Variants in QRFPR observed in about 807,000 individuals in gnomAD.
The protein encoded by QRFPR is pyroglutamylated RFamide peptide receptor, also known as pyroglutamylated RF-amide peptide receptor.
Under a neutral mutation model 31.3 loss-of-function variants are expected in QRFPR, and 37 were observed. The observed-to-expected ratio is 1.18, with a 90% confidence interval of 0.91 to 1.56. QRFPR has a LOEUF of 1.56. Ranked by LOEUF, QRFPR falls within the 40% of genes most tolerant of loss-of-function variation. QRFPR has a pLI of 0.00. For synonymous variants in QRFPR, 197 were observed against 192.0 expected, an observed-to-expected ratio of 1.03 and a Z score of -0.22; for missense variants, 542 against 532.5, an observed-to-expected ratio of 1.02 and a Z score of -0.18.
chr4:121,380,209 G>GAGAGAGAGAGAT, intron 1 of QRFPR, 99 bp downstream of exon 1: 1 of 452,476 alleles, frequency 2.2e-6, no homozygotes. Flanking sequence ...GAGAGAGAGA[G>GAGAGAGAGAGAT]AGAGAGAGAG....
rs1262418056 is a variant in QRFPR at position 121,329,038 on chromosome 4, G to T, written c.*276C>A. ...CAAAGTGCTGGGATTACAGGCATGA[G>T]CCACCGTGCCTGGCCTTCCATGTTG... On this transcript the variant is annotated 3_prime_UTR_variant, in exon 6 of 6. Transcript: ENST00000394427. 1.1e-5 allele frequency: 3 copies of T among 262,004 alleles called. No individual in the cohort carries two copies. The highest frequency in any genetic ancestry group is 2.1e-5 in the Non-Finnish European group (3 of 140,308). The allele number at this position is 262,004 out of a possible 1,614,324, so 16.2% of individuals were successfully genotyped here.
At chr4:121,369,358 G>A (rs1270603162) in intron 1 of QRFPR, 3 of 654,026 alleles carry the variant, frequency 4.6e-6, no homozygotes, top group Non-Finnish European at 2.7e-6. Flanking sequence ...CCTTTCCTAT[G>A]TCAAAGCCAA....
At chr4:121,339,251 G>T (rs1211360143) in intron 2 of QRFPR, among the ~76,000 whole-genome samples, 1 of 152,174 alleles carries the variant, frequency 6.6e-6, no homozygotes, top group African/African-American at 2.4e-5. Flanking sequence ...CACATTAGTT[G>T]CTTGCTACAC....
rs2110464724 is a variant in QRFPR at position 121,329,048 on chromosome 4, C to T, written c.*266G>A. On this transcript the variant is annotated 3_prime_UTR_variant, in exon 6 of 6. Transcript: ENST00000394427. ...GGATTACAGGCATGAGCCACCGTGC[C>T]TGGCCTTCCATGTTGCTTTTTTAAG... 1 of 303,432 alleles carries T rather than the reference C, an allele frequency of 3.3e-6. No homozygotes were observed. Among genetic ancestry groups the T allele is most frequent in the Non-Finnish European group, 6.0e-6 (1 of 166,520 alleles). The allele number at this position is 303,432 out of a possible 1,614,324, so 18.8% of individuals were successfully genotyped here.
chr4:121,344,537 G>A (rs534703818), intron 1 of QRFPR, among the ~76,000 whole-genome samples: 2 of 152,118 alleles, frequency 1.3e-5, no homozygotes, highest in Non-Finnish European at 2.9e-5. Context: ...TTTCTTCAAT[G>A]TTCTGTCATG....
chr4:121,366,157 C>T (rs189450026), intron 1 of QRFPR, among the ~76,000 whole-genome samples: 25 of 149,662 alleles, frequency 1.7e-4, no homozygotes, highest in Admixed American at 1.3e-4. Flanking sequence ...AATTCTTCCC[C>T]GTCAGTATAA....
chr4:121,347,363 G>A (rs570602350), intron 1 of QRFPR, among the ~76,000 whole-genome samples: 2 of 151,774 alleles, frequency 1.3e-5, no homozygotes, highest in Non-Finnish European at 2.9e-5. Flanking sequence ...GCCTTATACC[G>A]CTTTTCTTTT....
At position 121,380,655 on chromosome 4, in the gene QRFPR, C is replaced by A; in HGVS notation, c.-8G>T. The A allele has an allele frequency of 6.6e-7, 1 of 1,508,770 alleles. No homozygotes were observed. Among genetic ancestry groups the A allele is most frequent in the South Asian group, 1.3e-5 (1 of 76,192 alleles). 93.5% of individuals were successfully genotyped at this position (1,508,770 alleles called of 1,614,324 possible). ...AATGTTAAGCGCCTGCATTGCTGTGCGCTCCCGGGACGCGGGGCCACCGCC... is the reference window on the plus strand; with the variant it reads ...AATGTTAAGCGCCTGCATTGCTGTGAGCTCCCGGGACGCGGGGCCACCGCC... On this transcript the variant is annotated 5_prime_UTR_variant, in exon 1 of 6. Coordinates refer to ENST00000394427, the MANE Select transcript of QRFPR (RefSeq NM_198179.3).
At position 121,329,219 on chromosome 4, in the gene QRFPR, T is replaced by C; in HGVS notation, c.*95A>G. ...ATGATTTGTTTTCTTCTTGTCATCA[T>C]CTTAAGAATAAAAAGAGTATTTGAC... On this transcript the variant is annotated 3_prime_UTR_variant, in exon 6 of 6. Coordinates refer to ENST00000394427, the MANE Select transcript of QRFPR (RefSeq NM_198179.3). 1 of 976,642 alleles carries C rather than the reference T, an allele frequency of 1.0e-6. No individual in the cohort carries two copies. The allele number at this position is 976,642 out of a possible 1,614,324, so 60.5% of individuals were successfully genotyped here.
intron 1 of QRFPR, among the ~76,000 whole-genome samples, chr4:121,375,903 G>A (rs147924754): frequency 1.3e-5 from 2 of 152,170 alleles, no homozygotes; most frequent in African/African-American, 4.8e-5. Context: ...AATCAGTTCT[G>A]TATTTAGCTG....
chr4:121,367,250 G>C (rs1321122427), intron 1 of QRFPR, among the ~76,000 whole-genome samples: 2 of 150,014 alleles, frequency 1.3e-5, no homozygotes, highest in East Asian at 4.0e-4. Flanking sequence ...TGTGCCCACA[G>C]TCTGGGTGGC....
At chr4:121,340,132 A>T (rs969502872) in intron 2 of QRFPR, 3 of 196,266 alleles carry the variant, frequency 1.5e-5, no homozygotes, top group South Asian at 1.1e-4. Flanking sequence ...AAAAAAAAAA[A>T]GATAGTTCTC....
chr4:121,372,579 C>T (rs749660127), intron 1 of QRFPR, among the ~76,000 whole-genome samples: 1 of 152,158 alleles, frequency 6.6e-6, no homozygotes, highest in Non-Finnish European at 1.5e-5. Context: ...AATAACTCCC[C>T]ACTCTGCCCT....
At chr4:121,363,075 T>A (rs1726022027) in intron 1 of QRFPR, among the ~76,000 whole-genome samples, 2 of 150,100 alleles carry the variant, frequency 1.3e-5, no homozygotes, top group South Asian at 4.2e-4. Context: ...GGCTCATGCC[T>A]GTAATCCCAG....
chr4:121,334,176 G>T (rs2110467271), intron 3 of QRFPR, among the ~76,000 whole-genome samples: 1 of 152,294 alleles, frequency 6.6e-6, no homozygotes, highest in Non-Finnish European at 1.5e-5. Flanking sequence ...AGAGCATGCT[G>T]AACTGGAAGT....
intron 1 of QRFPR, among the ~76,000 whole-genome samples, chr4:121,351,357 C>A (rs559105511): frequency 2.6e-5 from 4 of 152,266 alleles, no homozygotes; most frequent in Admixed American, 2.6e-4. Flanking sequence ...TTTGTAAGAA[C>A]TGTTTGTGTG....
intron 4 of QRFPR, among the ~76,000 whole-genome samples, chr4:121,331,343 C>G (rs563322274): frequency 6.6e-6 from 1 of 151,422 alleles, no homozygotes; most frequent in South Asian, 2.1e-4. Context: ...GCCACTACAC[C>G]CAGCTAATTT....
At chr4:121,347,911 A>G (rs1470878016) in intron 1 of QRFPR, among the ~76,000 whole-genome samples, 1 of 152,180 alleles carries the variant, frequency 6.6e-6, no homozygotes, top group Non-Finnish European at 1.5e-5. Context: ...CAGTGACTTT[A>G]TAGTCAAGAT....
chr4:121,349,706 T>G (rs1256173909), intron 1 of QRFPR, among the ~76,000 whole-genome samples: 2 of 152,158 alleles, frequency 1.3e-5, no homozygotes, highest in Non-Finnish European at 2.9e-5. Context: ...TCTACCAGAT[T>G]TCATTAAGTA....
Sources: allele counts gnomAD v4.1 joint callset (sites outside exome capture counted in the v4.1 genomes callset), GRCh38; gene constraint gnomAD v4.1.1; transcripts MANE v1.5; gene names NCBI Gene and HGNC (gene_info 2026-07-23, HGNC 2026-07-21).